Variants in SCN8A observed in about 807,000 individuals in gnomAD.
The protein encoded by SCN8A is sodium channel protein type 8 subunit alpha.
In SCN8A, 30 loss-of-function variants were observed where a neutral mutation model predicts 184.1. The ratio of observed to expected loss-of-function variants is 0.16; its 90% CI spans 0.12 to 0.22. SCN8A has a LOEUF of 0.22. Among genes scored for constraint, SCN8A ranks in the 10% least tolerant of loss-of-function variants. The pLI, the probability that SCN8A is intolerant of heterozygous loss-of-function variation, is 1.00. For missense variants in SCN8A, 1,057 were observed against 2,498.9 expected (o/e 0.42, Z 12.30); for synonymous variants, 852 against 907.0 (o/e 0.94, Z 1.09).
At position 51,786,511 on chromosome 12, in the gene SCN8A, C is replaced by G. The variant is rs1166481624; in HGVS notation, c.3943-31C>G. The G allele has an allele frequency of 1.9e-6, 3 of 1,613,500 alleles. No individual in the cohort carries two copies. The Admixed American group carries it at 5.0e-5, about 27-fold the overall frequency. On this transcript the variant is annotated intron_variant, in intron 21 of 26. Coordinates refer to ENST00000627620, the MANE Select transcript of SCN8A (RefSeq NM_001330260.2). ...AAATGTGCTTGCTCTCATTTCCACC[C>G]AACACTGAGCAACCTCCCCTTCCAA...
chr12:51,689,153 C>T (rs1437467077), intron 6 of SCN8A, 57 bp downstream of exon 6: 19 of 1,277,680 alleles, frequency 1.5e-5, no homozygotes, highest in Middle Eastern at 1.8e-4. Context: ...CTCCTCCATT[C>T]GTTTTGTCCA....
intron 1 of SCN8A, among the ~76,000 whole-genome samples, chr12:51,610,476 G>A (rs1007829665): frequency 1.3e-5 from 2 of 152,072 alleles, no homozygotes; most frequent in African/African-American, 4.8e-5. Context: ...TTGTATTTTT[G>A]TTTTATAGGT....
rs778785207 is a variant in SCN8A at position 51,721,952 on chromosome 12, A to G, written c.1998+44A>G. On this transcript the variant is annotated intron_variant, in intron 12 of 26. Coordinates refer to ENST00000627620, the MANE Select transcript of SCN8A (RefSeq NM_001330260.2). ...GCTACCGATGACAGTGTAAGGAAGA[A>G]CACAAATAGATCGAGGCTAGGCATG... 1.9e-6 allele frequency: 3 copies of G among 1,599,330 alleles called. No individual in the cohort carries two copies. In the Admixed American group the frequency reaches 5.0e-5, roughly 27 times the overall value.
intron 1 of SCN8A, among the ~76,000 whole-genome samples, chr12:51,617,371 C>T (rs188184228): frequency 6.6e-6 from 1 of 152,096 alleles, no homozygotes; most frequent in Non-Finnish European, 1.5e-5. Flanking sequence ...ATTCTGTCAT[C>T]TCTATTATAC....
At chr12:51,721,931 C>A in intron 12 of SCN8A, 23 bp downstream of exon 12, 1 of 1,599,578 alleles carries the variant, frequency 6.3e-7, no homozygotes, top group African/African-American at 1.3e-5. Context: ...AAGGCAGCTA[C>A]CGATGACAGT....
At chr12:51,650,811 A>G (rs1940695513) in intron 1 of SCN8A, among the ~76,000 whole-genome samples, 1 of 152,182 alleles carries the variant, frequency 6.6e-6, no homozygotes. Context: ...GGAATTAAAG[A>G]CATACACACA....
Position 51,790,260 on chromosome 12 carries a change from A to T in SCN8A, c.4420-138A>T, listed in dbSNP as rs149863370. The stretch of plus-strand genomic sequence containing the variant: ...AGAGCTGAATGATTATCGCGGGTCT[A>T]CCCCACTCTGGGACAGCTATTAGCT... On this transcript the variant is annotated intron_variant, in intron 24 of 26. Coordinates refer to ENST00000627620, the MANE Select transcript of SCN8A (RefSeq NM_001330260.2). 1.1e-3 allele frequency: 618 copies of T among 564,890 alleles called. 4 individuals are homozygous for T. Among genetic ancestry groups the T allele is most frequent in the African/African-American group, 0.011 (546 of 51,736 alleles). 35.0% of individuals were successfully genotyped at this position (564,890 alleles called of 1,614,324 possible). A position where few individuals can be genotyped will look rare whatever the true frequency, so the allele number is the denominator to read the frequency against.
In SCN8A at chr12:51,762,860, T is replaced by C. The variant is rs114131167; in HGVS notation, c.2544+184T>C. Among the ~76,000 whole-genome samples, 583 of 152,334 alleles carry C rather than the reference T, an allele frequency of 3.8e-3. 3 individuals are homozygous for C. The highest frequency in any genetic ancestry group is 0.014 in the African/African-American group (567 of 41,564). The stretch of plus-strand genomic sequence containing the variant: ...CTAAAATACCTGATATGGAAGTTAG[T>C]TGTTAAAAATCAATAAGCAAACAGA... On this transcript the variant is annotated intron_variant, in intron 15 of 26. Transcript: ENST00000627620.
chr12:51,716,812 G>C (rs74091622), intron 11 of SCN8A, among the ~76,000 whole-genome samples: 1 of 152,044 alleles, frequency 6.6e-6, no homozygotes, highest in African/African-American at 2.4e-5. Flanking sequence ...TCTATGTTAC[G>C]CTTGCCTTCA....
At chr12:51,687,348 G>A (rs1941435452) in intron 5 of SCN8A, 129 bp downstream of exon 5, 2 of 1,012,546 alleles carry the variant, frequency 2.0e-6, no homozygotes, top group Non-Finnish European at 2.9e-6. Context: ...AACCATGTAA[G>A]GCCCTGTGGG....
intron 1 of SCN8A, among the ~76,000 whole-genome samples, chr12:51,640,931 T>C (rs1940438414): frequency 6.6e-6 from 1 of 152,200 alleles, no homozygotes; most frequent in Non-Finnish European, 1.5e-5. Context: ...CTTTTGCTAG[T>C]CAGGTCTTCT....
rs574520280 is a variant in SCN8A, at chr12:51,671,922, G to A, written c.276+8829G>A. Among the ~76,000 whole-genome samples, 60 of 152,228 alleles carry A rather than the reference G, an allele frequency of 3.9e-4. No homozygotes were observed. In the South Asian group the frequency reaches 0.012, roughly 31 times the overall value. On this transcript the variant is annotated intron_variant, in intron 2 of 26. Transcript: ENST00000627620. ...GTTGAGCCTGCAAAGTTTGGCCTAT[G>A]GAACCAAGTTGGAATAAAAGATTCT... is the stretch of plus-strand genomic sequence containing the variant.
intron 5 of SCN8A, 92 bp downstream of exon 5, chr12:51,687,311 A>G: frequency 7.0e-7 from 1 of 1,429,294 alleles, no homozygotes; most frequent in Non-Finnish European, 9.7e-7. Context: ...GCATTTGTGG[A>G]CACAGCTGTA....
intron 19 of SCN8A, 43 bp downstream of exon 19, chr12:51,770,726 G>A: frequency 1.2e-6 from 2 of 1,600,824 alleles, no homozygotes; most frequent in Non-Finnish European, 1.7e-6. Context: ...GGCTGGGGAA[G>A]GGTGTAGAGA....
At chr12:51,658,602 T>C (rs928176544) in intron 1 of SCN8A, among the ~76,000 whole-genome samples, 5 of 152,072 alleles carry the variant, frequency 3.3e-5, no homozygotes, top group African/African-American at 9.7e-5. Context: ...ATATGAAACA[T>C]CTAGAATAGA....
At chr12:51,688,677 A>G (rs1383229649) in intron 5 of SCN8A, 2 of 921,864 alleles carry the variant, frequency 2.2e-6, no homozygotes, top group South Asian at 1.4e-5. Flanking sequence ...CATAGCTTGT[A>G]TATAAGACCC....
At chr12:51,666,072 AAAAG>A (rs1941027501) in intron 2 of SCN8A, among the ~76,000 whole-genome samples, 1 of 152,158 alleles carries the variant, frequency 6.6e-6, no homozygotes, top group South Asian at 2.1e-4. Flanking sequence ...AAAAAAGAAA[AAAAG>A]AAAGAAATGA....
At chr12:51,751,703 A>C (rs768517497) in intron 14 of SCN8A, 110 bp downstream of exon 14, 1 of 792,842 alleles carries the variant, frequency 1.3e-6, no homozygotes, top group Non-Finnish European at 2.0e-6. Context: ...AGTAATAGTT[A>C]ATTGGAAGAC....
Position 51,745,937 on chromosome 12 carries a change from C to G in SCN8A, c.2033C>G (p.Pro678Arg), listed in dbSNP as rs1942504093. 6 of 1,603,974 alleles carry G rather than the reference C, an allele frequency of 3.7e-6. No individual in the cohort carries two copies. Among genetic ancestry groups the G allele is most frequent in the Non-Finnish European group, 4.3e-6 (5 of 1,176,220 alleles). Residue 678 changes from proline (P) to arginine (R), a missense_variant, in exon 13 of 27, where the codon CCT becomes CGT. By Grantham distance (103) the Pro-to-Arg change is moderately radical. Coordinates refer to ENST00000627620, the MANE Select transcript of SCN8A (RefSeq NM_001330260.2). Reference protein sequence around the residue: ...TTEVEIKKKGPGSLLVSMDQL... With the variant: ...TTEVEIKKKGRGSLLVSMDQL... ...GAGGTGGAAATTAAGAAGAAAGGCC[C>G]TGGATCTCTTTTAGTTTCCATGGAC...
Sources: gnomAD v4.1 joint callset for allele counts (sites outside exome capture counted in the v4.1 genomes callset) on GRCh38, gnomAD v4.1.1 for gene constraint, MANE v1.5 for transcripts, NCBI Gene and HGNC (gene_info 2026-07-23, HGNC 2026-07-21) for gene names.